The following N4BP2L2 variants were observed in gnomAD, a reference collection of about 807,000 sequenced individuals.
N4BP2L2 encodes the protein NEDD4-binding protein 2-like 2.
A neutral mutation model predicts 56.2 loss-of-function variants in N4BP2L2; 50 were observed. The ratio of observed to expected loss-of-function variants is 0.89; its 90% CI spans 0.71 to 1.13. The LOEUF (loss-of-function observed/expected upper bound fraction) is 1.13, where lower values mean the gene tolerates loss of function less well. Among genes scored for constraint, N4BP2L2 ranks in the 50% most tolerant of loss-of-function variants. The pLI, the probability that N4BP2L2 is intolerant of heterozygous loss-of-function variation, is 0.00. For missense variants in N4BP2L2, 689 were observed against 693.8 expected (o/e 0.99, Z 0.08); for synonymous variants, 203 against 223.6 (o/e 0.91, Z 0.82).
chr13:32,450,808 C>G (rs1226137870), intron 6 of N4BP2L2, among the ~76,000 whole-genome samples: 3 of 151,278 alleles, frequency 2.0e-5, no homozygotes, highest in Non-Finnish European at 4.4e-5. Flanking sequence ...TTCTTTCCTT[C>G]CTTTCCTTCC....
At chr13:32,451,644 C>T (rs1054892753) in intron 6 of N4BP2L2, among the ~76,000 whole-genome samples, 5 of 151,432 alleles carry the variant, frequency 3.3e-5, no homozygotes, top group African/African-American at 4.9e-5. Context: ...CAAGCTCAAG[C>T]GATCCCCCTC....
intron 6 of N4BP2L2, among the ~76,000 whole-genome samples, chr13:32,493,808 A>T (rs2087784148): frequency 6.6e-6 from 1 of 152,232 alleles, no homozygotes; most frequent in Non-Finnish European, 1.5e-5. Flanking sequence ...CTTATTGATG[A>T]ACTATTAAAA....
intron 6 of N4BP2L2, among the ~76,000 whole-genome samples, chr13:32,493,292 CTTT>C (rs1344884741): frequency 6.6e-6 from 1 of 151,946 alleles, no homozygotes; most frequent in African/African-American, 2.4e-5. Flanking sequence ...GTTCTGACTT[CTTT>C]GATTCAGTTC....
At chr13:32,484,464 A>C (rs2085444022) in intron 6 of N4BP2L2, among the ~76,000 whole-genome samples, 3 of 152,170 alleles carry the variant, frequency 2.0e-5, no homozygotes, top group African/African-American at 7.2e-5. Context: ...TTTGCTTCTT[A>C]AAAATGGATC....
At chr13:32,446,246 A>G (rs2077029303) in intron 6 of N4BP2L2, 1 of 628,252 alleles carries the variant, frequency 1.6e-6, no homozygotes, top group African/African-American at 1.9e-5. Context: ...TTTAGAAAAT[A>G]CTCTAAGGAA....
intron 2 of N4BP2L2, among the ~76,000 whole-genome samples, chr13:32,528,305 T>C (rs2053664640): frequency 6.6e-6 from 1 of 152,222 alleles, no homozygotes; most frequent in Non-Finnish European, 1.5e-5. Flanking sequence ...GAAGCATATA[T>C]GATCCTCTAG....
intron 6 of N4BP2L2, among the ~76,000 whole-genome samples, chr13:32,497,655 T>C (rs532028183): frequency 3.3e-5 from 5 of 152,042 alleles, no homozygotes; most frequent in Admixed American, 6.6e-5. Context: ...GGAGGAAAAA[T>C]GGAGGAGACT....
At chr13:32,455,295 G>A (rs2078790941) in intron 6 of N4BP2L2, among the ~76,000 whole-genome samples, 1 of 152,094 alleles carries the variant, frequency 6.6e-6, no homozygotes, top group South Asian at 2.1e-4. Context: ...GTACCACACT[G>A]GGGAGGCTGC....
At chr13:32,464,735 G>A (rs1055808363) in intron 6 of N4BP2L2, among the ~76,000 whole-genome samples, 1 of 151,658 alleles carries the variant, frequency 6.6e-6, no homozygotes, top group Non-Finnish European at 1.5e-5. Context: ...ACTGACAAAA[G>A]TACATCAAGA....
intron 6 of N4BP2L2, among the ~76,000 whole-genome samples, chr13:32,479,783 A>G (rs2084199566): frequency 6.6e-6 from 1 of 152,088 alleles, no homozygotes; most frequent in South Asian, 2.1e-4. Flanking sequence ...CAGCAATAAG[A>G]AATAAAATGA....
At chr13:32,458,039 GTTTTGTTTTGTTTTGTT>G (rs1286706476) in intron 6 of N4BP2L2, among the ~76,000 whole-genome samples, 3 of 151,860 alleles carry the variant, frequency 2.0e-5, no homozygotes, top group South Asian at 2.1e-4. Context: ...TTTGTTTTTT[GTTTTGTTTTGTTTTGTT>G]TTTTGTTTTG....
intron 6 of N4BP2L2, chr13:32,477,126 AG>A (rs1437916612): frequency 1.6e-6 from 1 of 608,830 alleles, no homozygotes; most frequent in Non-Finnish European, 3.1e-6. Flanking sequence ...TGTAACCAAT[AG>A]TACTCTTGCC....
At chr13:32,517,880 A>T in exon 6 of N4BP2L2, 1 of 1,614,090 alleles carries the variant, frequency 6.2e-7, no homozygotes, top group Non-Finnish European at 8.5e-7. Context: ...GTGGAGGAGG[A>T]GGTCTTTGTG....
intron 9 of N4BP2L2, among the ~76,000 whole-genome samples, chr13:32,436,116 A>G (rs1343655014): frequency 6.6e-6 from 1 of 152,252 alleles, no homozygotes; most frequent in Non-Finnish European, 1.5e-5. Context: ...TCTAACCAAT[A>G]AAGTGGGAAA....
intron 6 of N4BP2L2, chr13:32,444,152 T>C (rs773251233): frequency 6.9e-7 from 1 of 1,443,960 alleles, no homozygotes; most frequent in Non-Finnish European, 9.1e-7. Context: ...ATTAAGAAAA[T>C]GTATGACTTA....
At position 32,517,574 on chromosome 13, in the gene N4BP2L2, A is replaced by G. The variant is rs573237758; in HGVS notation, c.*228T>C. The G allele has an allele frequency of 8.8e-4, 1,131 of 1,288,320 alleles. 10 individuals carry two copies. In the African/African-American group the frequency reaches 0.014, roughly 16 times the overall value. The allele number at this position is 1,288,320 out of a possible 1,614,324, so 79.8% of individuals were successfully genotyped here. On this transcript the variant is annotated 3_prime_UTR_variant, in exon 6 of 6. Coordinates refer to ENST00000267068, the Ensembl canonical transcript of N4BP2L2. ...ACCACTCTATTACTCAGGTGCTTCC[A>G]TAACAGCCAAGAGTATTACAACAAG...
intron 6 of N4BP2L2, among the ~76,000 whole-genome samples, chr13:32,481,090 G>A (rs1477497888): frequency 9.3e-6 from 1 of 107,974 alleles, no homozygotes; most frequent in Non-Finnish European, 1.7e-5. Context: ...CTGCGCTCCA[G>A]CCTCAGCAAC....
At chr13:32,466,692 T>C (rs2081300783) in intron 6 of N4BP2L2, among the ~76,000 whole-genome samples, 1 of 152,188 alleles carries the variant, frequency 6.6e-6, no homozygotes, top group Non-Finnish European at 1.5e-5. Context: ...AAACTCAAGA[T>C]AGTGACTTCC....
chr13:32,447,783 C>CTAATTA (rs2077268808), intron 6 of N4BP2L2, among the ~76,000 whole-genome samples: 1 of 151,532 alleles, frequency 6.6e-6, no homozygotes, highest in Admixed American at 6.6e-5. Context: ...AATAAGGACC[C>CTAATTA]TGCTAATGTC....
Sources: allele counts gnomAD v4.1 joint callset (sites outside exome capture counted in the v4.1 genomes callset), GRCh38; gene constraint gnomAD v4.1.1; transcripts MANE v1.5; gene names NCBI Gene and HGNC (gene_info 2026-07-23, HGNC 2026-07-21).